Variants in SLC25A21 observed in about 807,000 individuals in gnomAD.
The protein encoded by SLC25A21 is solute carrier family 25 member 21.
In SLC25A21, 47 loss-of-function variants were observed where a neutral mutation model predicts 43.8. The observed-to-expected ratio is 1.07, with a 90% confidence interval of 0.85 to 1.37. SLC25A21 has a LOEUF of 1.37. SLC25A21 is among the 40% of genes most tolerant of loss of function. The pLI is 0.00. For synonymous variants in SLC25A21, 131 were observed against 121.3 expected (o/e 1.08, Z -0.52); for missense variants, 352 against 350.2 (o/e 1.00, Z -0.04).
At position 37,111,094 on chromosome 14, in the gene SLC25A21, A is replaced by C. The variant is rs184423983; in HGVS notation, c.70+61187T>G. ...AAATTATGCCTTCTCTCAATGCCTC[A>C]ATGTTTTCTTATAAAGTAAGAAAGG... is the stretch of plus-strand genomic sequence containing the variant. On this transcript the variant is annotated intron_variant, in intron 1 of 9. Transcript: ENST00000331299. Among the ~76,000 whole-genome samples, 40 of 152,284 alleles carry C rather than the reference A, an allele frequency of 2.6e-4. No homozygotes were observed. In the East Asian group the frequency reaches 7.7e-3, roughly 29 times the overall value.
intron 1 of SLC25A21, among the ~76,000 whole-genome samples, chr14:37,081,136 A>G (rs1962379564): frequency 6.6e-6 from 1 of 152,268 alleles, no homozygotes; most frequent in African/African-American, 2.4e-5. Flanking sequence ...TGATCCCTGT[A>G]AAGTGTTTTT....
intron 3 of SLC25A21, among the ~76,000 whole-genome samples, chr14:36,812,572 G>T (rs1888309393): frequency 6.6e-6 from 1 of 151,528 alleles, no homozygotes; most frequent in South Asian, 2.1e-4. Context: ...ATAATAGCAA[G>T]AATTTGGAAG....
In SLC25A21 at chr14:36,977,954, TAAAAA is replaced by T. The variant is rs36000189; in HGVS notation, c.71-102955_71-102951del. Reference sequence around the variant, plus strand: ...TGATTACAAAGCTTTTTTTTTTTTTTAAAAAAAAAAAAAGACAATTAGTTTGAACT... The same window carrying T: ...TGATTACAAAGCTTTTTTTTTTTTTTAAAAAAAAGACAATTAGTTTGAACT... On this transcript the variant is annotated intron_variant, in intron 1 of 9. Coordinates refer to ENST00000331299, the MANE Select transcript of SLC25A21 (RefSeq NM_030631.4). 0.02 allele frequency among the ~76,000 whole-genome samples: 2,456 copies of T among 121,072 alleles called. 162 individuals are homozygous for T. In the East Asian group the frequency reaches 0.24, roughly 12 times the overall value. 79.4% of individuals were successfully genotyped at this position (121,072 alleles called of 152,430 possible). A position where few individuals can be genotyped will look rare whatever the true frequency, so the allele number is the denominator to read the frequency against.
intron 7 of SLC25A21, among the ~76,000 whole-genome samples, chr14:36,694,184 T>C (rs755472588): frequency 8.5e-5 from 13 of 152,108 alleles, no homozygotes; most frequent in Non-Finnish European, 1.6e-4. Context: ...GTCCTTGTGA[T>C]AGTTTGGTCA....
intron 1 of SLC25A21, among the ~76,000 whole-genome samples, chr14:37,037,772 C>G (rs541672396): frequency 1.9e-4 from 29 of 152,252 alleles, no homozygotes; most frequent in Admixed American, 1.4e-3. Flanking sequence ...CTTCGCAGAT[C>G]ATTGATGTCA....
chr14:36,684,663 C>T, intron 8 of SLC25A21, 81 bp downstream of exon 8: 1 of 1,336,612 alleles, frequency 7.5e-7, no homozygotes, highest in Non-Finnish European at 1.0e-6. Flanking sequence ...CTTACTGGTT[C>T]TCATCTAAAT....
chr14:37,141,856 C>T (rs1963577043), intron 1 of SLC25A21, among the ~76,000 whole-genome samples: 1 of 152,190 alleles, frequency 6.6e-6, no homozygotes. Context: ...GATACAGGCT[C>T]CATCCTCAAG....
At chr14:37,140,253 T>C (rs1963548730) in intron 1 of SLC25A21, among the ~76,000 whole-genome samples, 1 of 152,216 alleles carries the variant, frequency 6.6e-6, no homozygotes, top group Admixed American at 6.5e-5. Context: ...AGATACAGGA[T>C]AAAAACTTTA....
chr14:37,047,151 T>C lies in SLC25A21; in HGVS notation c.70+125130A>G, dbSNP rs915635778. Among the ~76,000 whole-genome samples, 13 of 152,208 alleles carry C rather than the reference T, an allele frequency of 8.5e-5. No individual in the cohort carries two copies. In the East Asian group the frequency reaches 2.5e-3, roughly 29 times the overall value. The stretch of plus-strand genomic sequence containing the variant: ...ATGAGTAAAAGGGTTTGGAGAGACA[T>C]GGGGCTAAGGAAACACACATTGGTG... On this transcript the variant is annotated intron_variant, in intron 1 of 9. Transcript: ENST00000331299.
chr14:36,718,720 G>A (rs528520291), intron 6 of SLC25A21, among the ~76,000 whole-genome samples: 1 of 152,026 alleles, frequency 6.6e-6, no homozygotes, highest in South Asian at 2.1e-4. Flanking sequence ...ATTTATTGGT[G>A]TTATCCCAAA....
intron 1 of SLC25A21, among the ~76,000 whole-genome samples, chr14:36,942,103 A>C (rs1162507359): frequency 6.6e-6 from 1 of 152,094 alleles, no homozygotes; most frequent in Non-Finnish European, 1.5e-5. Context: ...AATTAGTTAG[A>C]CTATTATTCA....
chr14:36,714,126 T>G (rs1293479992), intron 6 of SLC25A21, among the ~76,000 whole-genome samples: 1 of 152,202 alleles, frequency 6.6e-6, no homozygotes, highest in Non-Finnish European at 1.5e-5. Context: ...CACTATACAT[T>G]TAGGTGTTAA....
intron 1 of SLC25A21, among the ~76,000 whole-genome samples, chr14:36,900,511 CT>C (rs1033972636): frequency 6.6e-6 from 1 of 152,190 alleles, no homozygotes; most frequent in Non-Finnish European, 1.5e-5. Flanking sequence ...AATTAACTGA[CT>C]CCTTTCCACA....
At chr14:37,012,216 G>A (rs1237279352) in intron 1 of SLC25A21, among the ~76,000 whole-genome samples, 1 of 152,164 alleles carries the variant, frequency 6.6e-6, no homozygotes, top group African/African-American at 2.4e-5. Flanking sequence ...GCTGAAATTA[G>A]AAGGTAGCAT....
chr14:37,139,855 GA>G (rs1171163614), intron 1 of SLC25A21, among the ~76,000 whole-genome samples: 1 of 152,110 alleles, frequency 6.6e-6, no homozygotes, highest in Non-Finnish European at 1.5e-5. Context: ...TCACCAACAG[GA>G]TATCTTCAGA....
chr14:37,136,902 C>A (rs959363533), intron 1 of SLC25A21, among the ~76,000 whole-genome samples: 1 of 152,016 alleles, frequency 6.6e-6, no homozygotes, highest in Non-Finnish European at 1.5e-5. Context: ...GGATATAGGG[C>A]AGGGGGAATG....
At chr14:36,874,909 T>C in intron 2 of SLC25A21, 47 bp downstream of exon 2, 1 of 1,535,844 alleles carries the variant, frequency 6.5e-7, no homozygotes, top group Non-Finnish European at 9.0e-7. Context: ...AGATCTTAAT[T>C]TGGATATTAG....
At chr14:37,006,294 C>G (rs1188635042) in intron 1 of SLC25A21, among the ~76,000 whole-genome samples, 1 of 151,904 alleles carries the variant, frequency 6.6e-6, no homozygotes, top group African/African-American at 2.4e-5. Flanking sequence ...TCATTGGCAC[C>G]CTTTTCTTAA....
intron 1 of SLC25A21, among the ~76,000 whole-genome samples, chr14:36,964,580 TG>T (rs1959570593): frequency 6.6e-6 from 1 of 152,236 alleles, no homozygotes; most frequent in Non-Finnish European, 1.5e-5. Flanking sequence ...CACACTAATG[TG>T]CGTAAAGTTC....
Sources: gnomAD v4.1 joint callset for allele counts (sites outside exome capture counted in the v4.1 genomes callset) on GRCh38, gnomAD v4.1.1 for gene constraint, MANE v1.5 for transcripts, NCBI Gene and HGNC (gene_info 2026-07-23, HGNC 2026-07-21) for gene names.